Variants in FAM13C observed in about 807,000 individuals in gnomAD.
The protein encoded by FAM13C is protein FAM13C.
A neutral mutation model predicts 73.2 loss-of-function variants in FAM13C; 37 were observed. The observed-to-expected ratio is 0.51, with a 90% CI of 0.39 to 0.67. FAM13C has a LOEUF of 0.67. Ranked by LOEUF, FAM13C falls within the 30% of genes least tolerant of loss-of-function variation. The pLI, the probability that FAM13C is intolerant of heterozygous loss-of-function variation, is 0.00. For synonymous variants in FAM13C, 246 were observed against 260.9 expected (o/e 0.94, Z 0.55); for missense variants, 589 against 715.6 (o/e 0.82, Z 2.02).
chr10:59,259,448 A>G (rs1022291833), intron 10 of FAM13C, among the ~76,000 whole-genome samples: 4 of 152,176 alleles, frequency 2.6e-5, no homozygotes, highest in Non-Finnish European at 5.9e-5. Flanking sequence ...CTCATTGAGG[A>G]GTTAGAAATA....
intron 1 of FAM13C, among the ~76,000 whole-genome samples, chr10:59,356,614 A>G (rs1173165377): frequency 6.6e-6 from 1 of 151,644 alleles, no homozygotes; most frequent in Non-Finnish European, 1.5e-5. Flanking sequence ...TTCAACTCCT[A>G]CTCATCCTTC....
At chr10:59,362,372 C>G (rs1856522106) in intron 1 of FAM13C, 27 bp downstream of exon 1, 2 of 1,612,244 alleles carry the variant, frequency 1.2e-6, no homozygotes, top group Non-Finnish European at 1.7e-6. Context: ...GCATGCAAGT[C>G]TAATTTTAAT....
At chr10:59,266,543 G>A (rs149116543) in intron 8 of FAM13C, among the ~76,000 whole-genome samples, 26 of 152,310 alleles carry the variant, frequency 1.7e-4, no homozygotes, top group African/African-American at 5.3e-4. Context: ...AAGGAAAAGC[G>A]TTTCCTGAGA....
Position 59,359,367 on chromosome 10 carries a change from G to T in FAM13C, c.62+3032C>A, listed in dbSNP as rs1196450883. ...GCATGCCATTTCTTAGAATAATGGTGGTGAAAGAAATACCCACAAGAAGTT... is the reference window on the plus strand; with the variant it reads ...GCATGCCATTTCTTAGAATAATGGTTGTGAAAGAAATACCCACAAGAAGTT... On this transcript the variant is annotated intron_variant, in intron 1 of 13. Coordinates refer to ENST00000618804, the MANE Select transcript of FAM13C (RefSeq NM_198215.4). 2.0e-5 allele frequency among the ~76,000 whole-genome samples: 3 copies of T among 152,210 alleles called. No individual in the cohort carries two copies. The East Asian group carries it at 5.8e-4, about 29-fold the overall frequency.
chr10:59,249,179 C>A (rs1253379557), intron 13 of FAM13C, among the ~76,000 whole-genome samples: 1 of 151,964 alleles, frequency 6.6e-6, no homozygotes, highest in Admixed American at 6.6e-5. Context: ...CCGAGGCGGG[C>A]GGATCACAAG....
chr10:59,249,385 C>G (rs1357259839), intron 13 of FAM13C, among the ~76,000 whole-genome samples: 1 of 112,422 alleles, frequency 8.9e-6, no homozygotes, highest in African/African-American at 3.4e-5. Context: ...GCCCAGGTGA[C>G]AGAGTGAGAC....
At chr10:59,251,746 T>G in intron 12 of FAM13C, 70 bp from the exon 13 acceptor site, 1 of 1,205,100 alleles carries the variant, frequency 8.3e-7, no homozygotes, top group Non-Finnish European at 1.2e-6. Flanking sequence ...AGCAGATTTA[T>G]CTGTTCAGCC....
chr10:59,326,985 C>T (rs1011408801), intron 3 of FAM13C, among the ~76,000 whole-genome samples: 1 of 152,146 alleles, frequency 6.6e-6, no homozygotes, highest in Admixed American at 6.5e-5. Context: ...GGTTTGATTA[C>T]ATAAGTCTTT....
chr10:59,266,355 C>T lies in FAM13C; in HGVS notation c.943-2189G>A, dbSNP rs145169551. On this transcript the variant is annotated intron_variant, in intron 8 of 13. Transcript: ENST00000618804. ...CAGTAAACAGAGATGGAAAGATATACGTGATACATGGGTATCAAAATAGCA... is the reference window on the plus strand; with the variant it reads ...CAGTAAACAGAGATGGAAAGATATATGTGATACATGGGTATCAAAATAGCA... Among the ~76,000 whole-genome samples, 446 of 152,216 alleles carry T rather than the reference C, an allele frequency of 2.9e-3. 1 individual carries two copies. Among genetic ancestry groups the T allele is most frequent in the African/African-American group, 9.7e-3 (403 of 41,534 alleles).
chr10:59,357,468 T>C (rs1191524358), intron 1 of FAM13C, among the ~76,000 whole-genome samples: 1 of 152,216 alleles, frequency 6.6e-6, no homozygotes, highest in Non-Finnish European at 1.5e-5. Flanking sequence ...ATACTTGAAT[T>C]GAAATATTAA....
intron 10 of FAM13C, among the ~76,000 whole-genome samples, chr10:59,255,256 A>C (rs1434336361): frequency 6.6e-6 from 1 of 152,120 alleles, no homozygotes; most frequent in African/African-American, 2.4e-5. Context: ...TTTCCTACCT[A>C]TACAAGAAGG....
intron 3 of FAM13C, 36 bp downstream of exon 3, chr10:59,352,234 C>A: frequency 6.2e-7 from 1 of 1,609,632 alleles, no homozygotes; most frequent in South Asian, 1.1e-5. Flanking sequence ...AAGAATCACC[C>A]GTCTTGGCAA....
chr10:59,335,306 G>A (rs1327644689), intron 3 of FAM13C, among the ~76,000 whole-genome samples: 1 of 152,140 alleles, frequency 6.6e-6, no homozygotes, highest in Non-Finnish European at 1.5e-5. Flanking sequence ...GTAACACATG[G>A]CAAGTTTTTA....
chr10:59,310,875 C>T (rs999632324), intron 4 of FAM13C, among the ~76,000 whole-genome samples: 3 of 152,150 alleles, frequency 2.0e-5, no homozygotes, highest in African/African-American at 7.2e-5. Flanking sequence ...ATCAGAATTT[C>T]CAGAAAAGTA....
chr10:59,308,011 C>T (rs558711098), intron 4 of FAM13C, among the ~76,000 whole-genome samples: 127 of 152,288 alleles, frequency 8.3e-4, no homozygotes, highest in African/African-American at 3.0e-3. Context: ...GAACCATTTA[C>T]AATCTTTCCT....
At chr10:59,291,214 G>A (rs1399082465) in intron 5 of FAM13C, among the ~76,000 whole-genome samples, 3 of 152,138 alleles carry the variant, frequency 2.0e-5, no homozygotes, top group Admixed American at 6.5e-5. Context: ...CCCCTACCAG[G>A]AGGTATAAAG....
At position 59,246,770 on chromosome 10, in the gene FAM13C, T is replaced by A. The variant is rs1362177735; in HGVS notation, c.*844A>T. ...GTTGGAACATTAAGAAAAATGTATA[T>A]TCCCAATGAAAAAATAGTTATATCA... is the stretch of plus-strand genomic sequence containing the variant. On this transcript the variant is annotated 3_prime_UTR_variant, in exon 14 of 14. Coordinates refer to ENST00000618804, the MANE Select transcript of FAM13C (RefSeq NM_198215.4). 2.5e-6 allele frequency: 1 copy of A among 395,326 alleles called. No individual in the cohort carries two copies. The highest frequency in any genetic ancestry group is 3.6e-5 in the East Asian group (1 of 27,816). 24.5% of individuals were successfully genotyped at this position (395,326 alleles called of 1,614,324 possible). A position where few individuals can be genotyped will look rare whatever the true frequency, so the allele number is the denominator to read the frequency against.
In FAM13C at chr10:59,268,707, G is replaced by A; in HGVS notation, c.804-16C>T. The A allele has an allele frequency of 6.2e-7, 1 of 1,607,104 alleles. No homozygotes were observed. The highest frequency in any genetic ancestry group is 8.5e-7 in the Non-Finnish European group (1 of 1,177,704). On this transcript the variant is annotated splice_polypyrimidine_tract_variant and intron_variant, in intron 7 of 13. Transcript: ENST00000618804. ...ACTCCGCGGCCTGCAGTGATTACAAGGAGGAAGGAGTATCAAAAACAGTGG... is the reference window on the plus strand; with the variant it reads ...ACTCCGCGGCCTGCAGTGATTACAAAGAGGAAGGAGTATCAAAAACAGTGG...
chr10:59,299,254 TA>T (rs1241783169), intron 5 of FAM13C, among the ~76,000 whole-genome samples: 1 of 152,172 alleles, frequency 6.6e-6, no homozygotes, highest in Non-Finnish European at 1.5e-5. Context: ...ATTTGTCATT[TA>T]AAAATCTAAT....
Sources: gnomAD v4.1 joint callset for allele counts (sites outside exome capture counted in the v4.1 genomes callset) on GRCh38, gnomAD v4.1.1 for gene constraint, MANE v1.5 for transcripts, NCBI Gene and HGNC (gene_info 2026-07-23, HGNC 2026-07-21) for gene names.